Variants in LYRM4 observed in about 807,000 individuals in gnomAD.
LYRM4 encodes LYR motif containing 4.
Under a neutral mutation model 11.7 loss-of-function variants are expected in LYRM4, and 9 were observed. The ratio of observed to expected loss-of-function variants is 0.77; its 90% CI spans 0.46 to 1.34. The LOEUF is 1.34. Ranked by LOEUF, LYRM4 falls within the 40% of genes most tolerant of loss-of-function variation. The pLI, the probability that LYRM4 is intolerant of heterozygous loss-of-function variation, is 0.00. For missense variants in LYRM4, 133 were observed against 112.5 expected (o/e 1.18, Z -0.82); for synonymous variants, 42 against 40.4 (o/e 1.04, Z -0.15).
At chr6:5,172,284 A>G (rs577349706) in intron 2 of LYRM4, among the ~76,000 whole-genome samples, 1 of 152,346 alleles carries the variant, frequency 6.6e-6, no homozygotes, top group South Asian at 2.1e-4. Flanking sequence ...CGAGCTGCAC[A>G]GCACGGAAGA....
chr6:5,142,789 TGCCCAGATTTGAAGAGCCCA>T (rs1383784545), intron 2 of LYRM4, among the ~76,000 whole-genome samples: 1 of 152,184 alleles, frequency 6.6e-6, no homozygotes, highest in Non-Finnish European at 1.5e-5. Context: ...CTCACAGCCA[TGCCCAGATTTGAAGAGCCCA>T]GGATGCTTTC....
intron 2 of LYRM4, among the ~76,000 whole-genome samples, chr6:5,119,050 G>A (rs1763279454): frequency 1.3e-5 from 2 of 152,220 alleles, no homozygotes; most frequent in Admixed American, 1.3e-4. Flanking sequence ...CCATGTGAAA[G>A]AAGCCAGGGG....
chr6:5,040,375 A>G, the LYRM4 span, among the ~76,000 whole-genome samples: 1 of 151,866 alleles, frequency 6.6e-6, no homozygotes, highest in Non-Finnish European at 1.5e-5. Context: ...ATACATACAT[A>G]CATACATACA....
At chr6:5,133,958 T>A (rs1227030661) in intron 2 of LYRM4, among the ~76,000 whole-genome samples, 3 of 152,260 alleles carry the variant, frequency 2.0e-5, no homozygotes, top group African/African-American at 7.2e-5. Context: ...TAAGGATGAA[T>A]AATATTCCAT....
intron 2 of LYRM4, among the ~76,000 whole-genome samples, chr6:5,214,978 C>A (rs1368000371): frequency 6.6e-6 from 1 of 152,024 alleles, no homozygotes; most frequent in Non-Finnish European, 1.5e-5. Context: ...CATGCCACTG[C>A]TCCAGTGCGT....
intron 2 of LYRM4, among the ~76,000 whole-genome samples, chr6:5,205,534 CTT>C (rs1761647049): frequency 6.7e-6 from 1 of 149,994 alleles, no homozygotes; most frequent in African/African-American, 2.5e-5. Flanking sequence ...TGGTCAATGT[CTT>C]ATAAAAAAAA....
At chr6:5,157,806 T>C (rs537800390) in intron 2 of LYRM4, among the ~76,000 whole-genome samples, 1 of 152,346 alleles carries the variant, frequency 6.6e-6, no homozygotes, top group South Asian at 2.1e-4. Flanking sequence ...AATATATCTC[T>C]CAATTTTAAC....
chr6:5,090,242 C>T, the LYRM4 span, among the ~76,000 whole-genome samples: 1 of 152,192 alleles, frequency 6.6e-6, no homozygotes, highest in African/African-American at 2.4e-5. The surrounding 1 kb of genome is among the most constrained non-coding windows in gnomAD (Gnocchi z 4.8). Flanking sequence ...CTAGTTTCTT[C>T]CTTATTGGCA....
chr6:5,260,404 TA>T (rs1260927467), intron 1 of LYRM4, among the ~76,000 whole-genome samples: 1 of 152,240 alleles, frequency 6.6e-6, no homozygotes, highest in African/African-American at 2.4e-5. Context: ...AGATAGCCTT[TA>T]GGGGGAAAAC....
intron 1 of LYRM4, among the ~76,000 whole-genome samples, chr6:5,233,441 A>T (rs1355684689): frequency 1.3e-5 from 2 of 152,208 alleles, no homozygotes; most frequent in South Asian, 2.1e-4. Context: ...ACGTGAGAAG[A>T]AAAGTTAGGG....
intron 2 of LYRM4, among the ~76,000 whole-genome samples, chr6:5,120,184 G>A (rs559460192): frequency 1.3e-5 from 2 of 152,102 alleles, no homozygotes; most frequent in Non-Finnish European, 2.9e-5. Flanking sequence ...CATGAGGCAC[G>A]GTGCCTGGCC....
intron 2 of LYRM4, among the ~76,000 whole-genome samples, chr6:5,154,732 T>A (rs111308389): frequency 0.012 from 1,840 of 152,116 alleles, 46 homozygotes; most frequent in African/African-American, 0.043. Context: ...GGCAGGAGAA[T>A]GGCGTGAACC....
At chr6:5,142,460 C>T (rs1226793440) in intron 2 of LYRM4, among the ~76,000 whole-genome samples, 5 of 152,188 alleles carry the variant, frequency 3.3e-5, no homozygotes, top group Non-Finnish European at 4.4e-5. Context: ...AAGCCCCCCT[C>T]GCCATGCCCT....
intron 2 of LYRM4, among the ~76,000 whole-genome samples, chr6:5,201,503 C>T (rs1166763746): frequency 6.6e-6 from 1 of 152,220 alleles, no homozygotes; most frequent in African/African-American, 2.4e-5. Flanking sequence ...GCTAAATCCT[C>T]TTTTCAGCCT....
chr6:5,082,113 G>A, the LYRM4 span, among the ~76,000 whole-genome samples: 1 of 152,198 alleles, frequency 6.6e-6, no homozygotes, highest in African/African-American at 2.4e-5. Flanking sequence ...AGTTCCGTGA[G>A]TCATATGGAA....
At chr6:5,236,970 C>T (rs1326116420) in intron 1 of LYRM4, among the ~76,000 whole-genome samples, 2 of 151,976 alleles carry the variant, frequency 1.3e-5, no homozygotes, top group Non-Finnish European at 2.9e-5. Context: ...AAGACAATCT[C>T]TAAGGAACAG....
chr6:5,218,091 G>C (rs988162993), intron 1 of LYRM4, among the ~76,000 whole-genome samples: 1 of 151,992 alleles, frequency 6.6e-6, no homozygotes, highest in African/African-American at 2.4e-5. Flanking sequence ...AAAATTTTGG[G>C]GGATGGGGAC....
At chr6:5,041,163 CA>C in the LYRM4 span, among the ~76,000 whole-genome samples, 491 of 138,192 alleles carry the variant, frequency 3.6e-3, 14 homozygotes, top group South Asian at 0.073. Flanking sequence ...AGACTCGTCT[CA>C]AAAAAAAAAA....
chr6:5,248,741 C>CATTTCACTATTGGTAT (rs1472289407), intron 1 of LYRM4, among the ~76,000 whole-genome samples: 5 of 152,346 alleles, frequency 3.3e-5, no homozygotes, highest in African/African-American at 9.6e-5. Context: ...TATTCTGTTC[C>CATTTCACTATTGGTAT]ATTTCACTAT....
Sources: gnomAD v4.1 joint callset for allele counts (sites outside exome capture counted in the v4.1 genomes callset) on GRCh38, gnomAD v4.1.1 for gene constraint, Gnocchi (gnomAD v3.1) non-coding constraint, MANE v1.5 for transcripts, NCBI Gene and HGNC (gene_info 2026-07-23, HGNC 2026-07-21) for gene names.